The following SMAD3 variants were observed in gnomAD, a reference collection of about 807,000 sequenced individuals.
The protein encoded by SMAD3 is SMAD family member 3.
A neutral mutation model predicts 51.8 loss-of-function variants in SMAD3; 12 were observed. The ratio of observed to expected loss-of-function variants is 0.23; its 90% CI spans 0.15 to 0.38. The LOEUF is 0.38. SMAD3 is among the 10% of genes least tolerant of loss of function. The probability of loss-of-function intolerance (pLI) is 1.00; values close to 1 mark genes in which losing one functional copy is unlikely to be tolerated. For synonymous variants in SMAD3, 238 were observed against 227.7 expected (o/e 1.05, Z -0.41); for missense variants, 294 against 565.6 (o/e 0.52, Z 4.87).
At chr15:67,102,354 ACT>A (rs1047129906) in intron 1 of SMAD3, among the ~76,000 whole-genome samples, 1 of 151,952 alleles carries the variant, frequency 6.6e-6, no homozygotes, top group African/African-American at 2.4e-5. Flanking sequence ...AGATTTAACC[ACT>A]GTTTTTTCCC....
intron 1 of SMAD3, among the ~76,000 whole-genome samples, chr15:67,108,516 C>T (rs1960931855): frequency 6.6e-6 from 1 of 152,212 alleles, no homozygotes; most frequent in African/African-American, 2.4e-5. Flanking sequence ...GCCCCCTCCT[C>T]CTGGCCACTG....
intron 1 of SMAD3, among the ~76,000 whole-genome samples, chr15:67,079,629 A>G (rs766168997): frequency 6.6e-6 from 1 of 152,158 alleles, no homozygotes; most frequent in Non-Finnish European, 1.5e-5. Flanking sequence ...TGCTGAGTGT[A>G]TGCCAGAGGG....
At chr15:67,131,331 C>T (rs1961519893) in intron 1 of SMAD3, among the ~76,000 whole-genome samples, 2 of 152,200 alleles carry the variant, frequency 1.3e-5, no homozygotes, top group South Asian at 4.1e-4. Context: ...GGCTTTGACT[C>T]ATTTGTCCCT....
intron 1 of SMAD3, among the ~76,000 whole-genome samples, chr15:67,118,490 G>A (rs1347818931): frequency 3.9e-5 from 6 of 152,290 alleles, no homozygotes; most frequent in South Asian, 2.1e-4. Flanking sequence ...AGCAGACTTG[G>A]GTCCAAAGGT....
At chr15:67,073,482 G>T (rs776572845) in intron 1 of SMAD3, among the ~76,000 whole-genome samples, 1 of 152,120 alleles carries the variant, frequency 6.6e-6, no homozygotes, top group Non-Finnish European at 1.5e-5. Flanking sequence ...AAGAGTTTGG[G>T]GATTATTTTG....
At chr15:67,172,143 G>A (rs552093730) in intron 5 of SMAD3, among the ~76,000 whole-genome samples, 1 of 152,294 alleles carries the variant, frequency 6.6e-6, no homozygotes, top group East Asian at 1.9e-4. Context: ...CTAGGATGAG[G>A]ATGATGGGAT....
chr15:67,109,639 G>A (rs11071934), intron 1 of SMAD3, among the ~76,000 whole-genome samples: 77,529 of 152,010 alleles, frequency 0.51, 23,021 homozygotes, highest in Non-Finnish European at 0.67. Flanking sequence ...AAACACACAC[G>A]CACACAAAGA....
chr15:67,086,755 CCTT>C (rs1960401837), intron 1 of SMAD3, among the ~76,000 whole-genome samples: 1 of 152,128 alleles, frequency 6.6e-6, no homozygotes, highest in South Asian at 2.1e-4. Context: ...GCAGTGAAGA[CCTT>C]CTATGTCCTG....
chr15:67,155,916 G>A (rs1008402946), intron 1 of SMAD3, among the ~76,000 whole-genome samples: 29 of 152,072 alleles, frequency 1.9e-4, no homozygotes, highest in African/African-American at 6.8e-4. Flanking sequence ...GAACCCGGGG[G>A]CAGAGGTTGC....
rs143155300 is a variant in SMAD3, at chr15:67,151,322, T to TTTTATTTATTTA, written c.207-13557_207-13546dup. Among the ~76,000 whole-genome samples, 207 of 149,694 alleles carry TTTTATTTATTTA rather than the reference T, an allele frequency of 1.4e-3. 1 individual carries two copies. The highest frequency in any genetic ancestry group is 6.8e-3 in the Middle Eastern group (2 of 292). ...AATAGCTCTTTCTCCCCATTTTCCC[T>TTTTATTTATTTA]TTTATTTATTTATTTATTTATTTAT... On this transcript the variant is annotated intron_variant, in intron 1 of 8. Transcript: ENST00000327367.
intron 1 of SMAD3, among the ~76,000 whole-genome samples, chr15:67,080,142 G>A (rs1388030443): frequency 1.3e-5 from 2 of 152,194 alleles, no homozygotes; most frequent in Admixed American, 1.3e-4. Flanking sequence ...ACCTGACCAA[G>A]GTAATGGAGA....
At chr15:67,101,230 T>G (rs1309271687) in intron 1 of SMAD3, among the ~76,000 whole-genome samples, 1 of 152,204 alleles carries the variant, frequency 6.6e-6, no homozygotes, top group Non-Finnish European at 1.5e-5. Context: ...TGACACTGCT[T>G]CTTCTTTTCT....
At chr15:67,170,080 T>TG (rs1465459352) in intron 4 of SMAD3, among the ~76,000 whole-genome samples, 4 of 152,194 alleles carry the variant, frequency 2.6e-5, no homozygotes, top group Non-Finnish European at 5.9e-5. Flanking sequence ...TGGCTGGTGA[T>TG]GCTGGGGAGG....
intron 1 of SMAD3, among the ~76,000 whole-genome samples, chr15:67,092,514 AC>A (rs1309371150): frequency 6.6e-6 from 1 of 152,110 alleles, no homozygotes; most frequent in Non-Finnish European, 1.5e-5. Flanking sequence ...TGGATCAGAA[AC>A]CCTGAGGGCG....
chr15:67,099,056 GT>G (rs5813427), intron 1 of SMAD3: 695,639 of 701,442 alleles, frequency 0.99, 345,125 homozygotes, highest in East Asian at 1. Flanking sequence ...CCTTTCTGTG[GT>G]TGCCGCCCTG....
At chr15:67,157,666 G>C (rs562285588) in intron 1 of SMAD3, among the ~76,000 whole-genome samples, 6 of 152,224 alleles carry the variant, frequency 3.9e-5, no homozygotes, top group African/African-American at 1.4e-4. Context: ...ATCGGTGGAA[G>C]TGCAGACGTG....
chr15:67,103,400 G>A (rs1359865190), intron 1 of SMAD3, among the ~76,000 whole-genome samples: 3 of 152,206 alleles, frequency 2.0e-5, no homozygotes, highest in Non-Finnish European at 4.4e-5. Flanking sequence ...AGGAGAGAGT[G>A]AGGGATGAGA....
At chr15:67,170,713 C>T (rs1279295000) in intron 5 of SMAD3, 109 bp downstream of exon 5, 4 of 930,312 alleles carry the variant, frequency 4.3e-6, no homozygotes, top group Non-Finnish European at 7.0e-6. Context: ...CGACCCCTAC[C>T]ATCAGCCCAG....
At chr15:67,155,638 T>G (rs1962263081) in intron 1 of SMAD3, among the ~76,000 whole-genome samples, 1 of 152,144 alleles carries the variant, frequency 6.6e-6, no homozygotes, top group East Asian at 1.9e-4. Flanking sequence ...AAGTCTTGCT[T>G]TTATTTTGAA....
Sources: gnomAD v4.1 joint callset for allele counts (sites outside exome capture counted in the v4.1 genomes callset) on GRCh38, gnomAD v4.1.1 for gene constraint, MANE v1.5 for transcripts, NCBI Gene and HGNC (gene_info 2026-07-23, HGNC 2026-07-21) for gene names.